Variants in COBLL1 observed in about 807,000 individuals in gnomAD.
COBLL1 encodes cordon-bleu protein-like 1.
In COBLL1, 50 loss-of-function variants were observed where a neutral mutation model predicts 94.8. The ratio of observed to expected loss-of-function variants is 0.53; its 90% CI spans 0.42 to 0.67. The LOEUF is 0.67. COBLL1 is among the 30% of genes least tolerant of loss of function. The pLI is 0.00. For synonymous variants in COBLL1, 448 were observed against 473.8 expected (o/e 0.95, Z 0.71); for missense variants, 1,362 against 1,348.7 (o/e 1.01, Z -0.15).
chr2:164,709,671 T>G (rs1355091181), intron 7 of COBLL1, among the ~76,000 whole-genome samples: 1 of 152,004 alleles, frequency 6.6e-6, no homozygotes, highest in East Asian at 1.9e-4. Context: ...AAGCCAAGAT[T>G]GCGCCACTGC....
At chr2:164,822,816 T>G (rs540452102) in intron 2 of COBLL1, among the ~76,000 whole-genome samples, 1 of 150,798 alleles carries the variant, frequency 6.6e-6, no homozygotes, top group African/African-American at 2.4e-5. Flanking sequence ...TTGCCCAGGC[T>G]GCAGTGCAGT....
At chr2:164,734,573 G>A (rs1162672711) in intron 3 of COBLL1, among the ~76,000 whole-genome samples, 1 of 152,176 alleles carries the variant, frequency 6.6e-6, no homozygotes, top group Non-Finnish European at 1.5e-5. Context: ...TAGCCTGGAG[G>A]AGCAGCTACA....
chr2:164,837,317 T>A, intron 2 of COBLL1: 1 of 294,958 alleles, frequency 3.4e-6, no homozygotes, highest in East Asian at 1.0e-4. Context: ...CAAGTTGATG[T>A]CAGCAATCAT....
At chr2:164,842,045 T>G (rs890469809), upstream of COBLL1, 1 of 1,531,530 alleles carries the variant, frequency 6.5e-7, no homozygotes, top group Admixed American at 2.0e-5. Context: ...TCGGCGGCAT[T>G]GGAGCGAGGG....
At chr2:164,722,341 G>A (rs1685491368) in intron 6 of COBLL1, 30 bp from the exon 7 acceptor site, 2 of 1,572,138 alleles carry the variant, frequency 1.3e-6, no homozygotes, top group East Asian at 2.3e-5. Context: ...ACAAAATCTA[G>A]TAATTTCAAG....
chr2:164,695,386 T>A lies in COBLL1; in HGVS notation c.2006A>T (p.Asp669Val). Residue 669 changes from aspartate (D) to valine (V), a missense_variant, in exon 12 of 14, where the codon GAT becomes GTT. Transcript: ENST00000652658. ...SQGTLIIHSE[D>V]PLTVKDPICA... ...AATTGGATCTTTTACGGTAAGCGGATCTTCTGAATGTATAATTAGGGTGCC... is the reference window on the plus strand; with the variant it reads ...AATTGGATCTTTTACGGTAAGCGGAACTTCTGAATGTATAATTAGGGTGCC... 1 of 1,613,992 alleles carries A rather than the reference T, an allele frequency of 6.2e-7. No individual in the cohort carries two copies.
At chr2:164,706,452 T>G (rs1684607445) in intron 7 of COBLL1, among the ~76,000 whole-genome samples, 1 of 152,196 alleles carries the variant, frequency 6.6e-6, no homozygotes, top group African/African-American at 2.4e-5. Context: ...ATTCTCTTTA[T>G]GTATTATTTG....
intron 9 of COBLL1, among the ~76,000 whole-genome samples, chr2:164,702,461 A>G (rs1165923298): frequency 1.3e-5 from 2 of 150,226 alleles, no homozygotes; most frequent in Non-Finnish European, 3.0e-5. Context: ...CTACTCAGCA[A>G]GCTGAGGCGG....
intron 5 of COBLL1, chr2:164,723,339 G>C (rs1244743795): frequency 6.6e-6 from 1 of 152,152 alleles, no homozygotes; most frequent in Non-Finnish European, 1.5e-5. Context: ...AATATCAACT[G>C]AAGGGCCTAC....
intron 2 of COBLL1, among the ~76,000 whole-genome samples, chr2:164,772,906 A>G (rs1688274241): frequency 1.3e-5 from 2 of 152,082 alleles, no homozygotes; most frequent in Non-Finnish European, 2.9e-5. Context: ...AGTTTAGCAA[A>G]ATTATATGTA....
chr2:164,692,909 TTG>T (rs1295508263), intron 12 of COBLL1, among the ~76,000 whole-genome samples: 2 of 152,186 alleles, frequency 1.3e-5, no homozygotes, highest in Non-Finnish European at 2.9e-5. Flanking sequence ...GTAGCTTATT[TTG>T]TGTTTCTGGA....
intron 7 of COBLL1, among the ~76,000 whole-genome samples, chr2:164,720,460 G>A (rs1332557911): frequency 3.3e-5 from 5 of 152,220 alleles, no homozygotes; most frequent in African/African-American, 9.6e-5. Flanking sequence ...TACTGAAATA[G>A]ATTGGATGAG....
intron 9 of COBLL1, chr2:164,703,745 C>T: frequency 3.2e-6 from 1 of 310,072 alleles, no homozygotes; most frequent in South Asian, 2.9e-5. Context: ...GAATTATCCC[C>T]ATGATAAAGT....
intron 2 of COBLL1, among the ~76,000 whole-genome samples, chr2:164,745,645 G>A (rs1448761643): frequency 6.6e-6 from 1 of 152,148 alleles, no homozygotes; most frequent in Non-Finnish European, 1.5e-5. Flanking sequence ...TGCAGATGGT[G>A]CAGCTGCGGG....
chr2:164,762,007 A>G lies in COBLL1; in HGVS notation c.42-18132T>C, dbSNP rs1274073738. 3.3e-5 allele frequency among the ~76,000 whole-genome samples: 5 copies of G among 152,238 alleles called. 1 individual carries two copies. The highest frequency in any genetic ancestry group is 7.3e-5 in the Non-Finnish European group (5 of 68,042). ...TAGAGAATAAATCAAGTCTTAGATCATCATTTCTGAAAGGCTGCTAATCTC... is the reference window on the plus strand; with the variant it reads ...TAGAGAATAAATCAAGTCTTAGATCGTCATTTCTGAAAGGCTGCTAATCTC... On this transcript the variant is annotated intron_variant, in intron 2 of 13. Transcript: ENST00000652658.
chr2:164,731,436 T>A (rs549384351), intron 3 of COBLL1, among the ~76,000 whole-genome samples: 3 of 152,222 alleles, frequency 2.0e-5, no homozygotes, highest in Non-Finnish European at 4.4e-5. Context: ...CACAGACTTA[T>A]ATTTTCATTC....
intron 2 of COBLL1, among the ~76,000 whole-genome samples, chr2:164,836,986 T>G (rs946076407): frequency 1.3e-5 from 2 of 152,192 alleles, no homozygotes; most frequent in Non-Finnish European, 2.9e-5. Context: ...ACTTCAAGTA[T>G]TCAAGAACTC....
At chr2:164,805,315 C>A (rs866263310) in intron 2 of COBLL1, among the ~76,000 whole-genome samples, 1,411 of 36,734 alleles carry the variant, frequency 0.038, 176 homozygotes, top group African/African-American at 0.14. Context: ...CTCTCTCTCT[C>A]TCTCTCTCTC....
chr2:164,663,150 A>C (rs2105383134), intron 2 of COBLL1, among the ~76,000 whole-genome samples: 1 of 152,264 alleles, frequency 6.6e-6, no homozygotes, highest in African/African-American at 2.4e-5. Flanking sequence ...GCCTTCGTTT[A>C]ATATTCTGAG....
Sources: gnomAD v4.1 joint callset for allele counts (sites outside exome capture counted in the v4.1 genomes callset) on GRCh38, gnomAD v4.1.1 for gene constraint, MANE v1.5 for transcripts, NCBI Gene and HGNC (gene_info 2026-07-23, HGNC 2026-07-21) for gene names.